The following FOXN3 variants were observed in gnomAD, a reference collection of about 807,000 sequenced individuals.
FOXN3 encodes the protein forkhead box N3.
Under a neutral mutation model 38.4 loss-of-function variants are expected in FOXN3, and 7 were observed. That is an observed-to-expected ratio of 0.18 (90% CI 0.10 to 0.34). The LOEUF is 0.34. Ranked by LOEUF, FOXN3 falls within the 10% of genes least tolerant of loss-of-function variation. FOXN3 has a pLI of 1.00. For missense variants in FOXN3, 456 were observed against 613.4 expected (o/e 0.74, Z 2.71); for synonymous variants, 230 against 242.2 (o/e 0.95, Z 0.47).
At chr14:89,351,005 C>A in intron 2 of FOXN3, 197 bp from the exon 3 acceptor site, 1 of 384,126 alleles carries the variant, frequency 2.6e-6, no homozygotes, top group Non-Finnish European at 4.6e-6. Flanking sequence ...GTTTGATAGG[C>A]AAAATGAACA....
chr14:89,585,671 G>C (rs1056502025), intron 1 of FOXN3, among the ~76,000 whole-genome samples: 11 of 150,802 alleles, frequency 7.3e-5, no homozygotes, highest in South Asian at 2.1e-4. Flanking sequence ...AGGCCGGTCT[G>C]AGTACAGTGG....
intron 4 of FOXN3, among the ~76,000 whole-genome samples, chr14:89,241,102 G>A (rs1885127827): frequency 6.6e-6 from 1 of 152,142 alleles, no homozygotes; most frequent in African/African-American, 2.4e-5. Context: ...CACTGACACT[G>A]GCATCCTCTG....
intron 2 of FOXN3, among the ~76,000 whole-genome samples, chr14:89,367,364 TG>T (rs1464544194): frequency 6.6e-6 from 1 of 152,196 alleles, no homozygotes; most frequent in Non-Finnish European, 1.5e-5. Context: ...TGCACCCTGA[TG>T]TGGCGGCACC....
At chr14:89,395,315 C>T (rs1391444620) in intron 2 of FOXN3, among the ~76,000 whole-genome samples, 2 of 152,126 alleles carry the variant, frequency 1.3e-5, no homozygotes, top group Non-Finnish European at 2.9e-5. Flanking sequence ...CACAGTGGGC[C>T]CACAAGAGAA....
At chr14:89,236,492 G>A (rs1381955280) in intron 4 of FOXN3, among the ~76,000 whole-genome samples, 3 of 152,154 alleles carry the variant, frequency 2.0e-5, no homozygotes, top group Admixed American at 2.0e-4. Context: ...TCCAGCCTGG[G>A]CAACAGAGCG....
At chr14:89,443,362 G>A (rs1468846750) in intron 1 of FOXN3, among the ~76,000 whole-genome samples, 1 of 152,144 alleles carries the variant, frequency 6.6e-6, no homozygotes, top group Non-Finnish European at 1.5e-5. Context: ...GGTGTTTATG[G>A]AGCCCCTGGG....
At chr14:89,189,076 A>C (rs1162723691) in intron 4 of FOXN3, among the ~76,000 whole-genome samples, 2 of 152,176 alleles carry the variant, frequency 1.3e-5, no homozygotes, top group African/African-American at 4.8e-5. Context: ...TGGCAGCTCC[A>C]GGCAGAGGAA....
At chr14:89,197,605 G>A (rs547967920) in intron 4 of FOXN3, among the ~76,000 whole-genome samples, 1 of 152,162 alleles carries the variant, frequency 6.6e-6, no homozygotes, top group Non-Finnish European at 1.5e-5. Flanking sequence ...TGGATAGTTA[G>A]TGAACAAGTA....
intron 4 of FOXN3, among the ~76,000 whole-genome samples, chr14:89,276,531 T>A (rs1331581423): frequency 6.6e-6 from 1 of 151,486 alleles, no homozygotes; most frequent in Non-Finnish European, 1.5e-5. Context: ...CTTCTTAGAG[T>A]GGGTGGGCCA....
chr14:89,234,407 T>C (rs1884916849), intron 4 of FOXN3, among the ~76,000 whole-genome samples: 1 of 152,112 alleles, frequency 6.6e-6, no homozygotes, highest in Admixed American at 6.5e-5. Context: ...ACTCTCTGCC[T>C]CTGCTGTTGT....
Position 89,520,203 on chromosome 14 carries a change from G to GGGGTTTC in FOXN3, c.-15+98818_-15+98824dup, listed in dbSNP as rs1431055682. ...GACATTTTGAACTTTTGTAGAGACA[G>GGGGTTTC]GGGTTTCGCCATGTTGTCCAGACTG... On this transcript the variant is annotated intron_variant, in intron 1 of 6. Coordinates refer to the FOXN3 transcript ENST00000345097. 1.3e-5 allele frequency among the ~76,000 whole-genome samples: 2 copies of GGGGTTTC among 150,756 alleles called. 1 individual carries two copies. The highest frequency in any genetic ancestry group is 2.9e-5 in the Non-Finnish European group (2 of 67,806).
chr14:89,239,550 G>A (rs913230939), intron 4 of FOXN3, among the ~76,000 whole-genome samples: 7 of 152,176 alleles, frequency 4.6e-5, no homozygotes, highest in African/African-American at 7.2e-5. Context: ...AATAGACATA[G>A]GTGCAAAGAA....
chr14:89,583,371 A>G (rs1432352400), intron 1 of FOXN3, among the ~76,000 whole-genome samples: 2 of 152,106 alleles, frequency 1.3e-5, no homozygotes, highest in Non-Finnish European at 2.9e-5. Flanking sequence ...GGCTTTCAGG[A>G]GTAGGTTCTC....
intron 4 of FOXN3, among the ~76,000 whole-genome samples, chr14:89,192,246 C>A (rs149480336): frequency 1.4e-5 from 2 of 144,894 alleles, no homozygotes; most frequent in Non-Finnish European, 1.5e-5. Flanking sequence ...ATTATATTAA[C>A]CATTATATAT....
chr14:89,601,584 T>C lies in FOXN3; in HGVS notation c.-15+17444A>G, dbSNP rs183408971. 1.4e-4 allele frequency among the ~76,000 whole-genome samples: 21 copies of C among 152,312 alleles called. No individual in the cohort carries two copies. In the East Asian group the frequency reaches 4.1e-3, roughly 29 times the overall value. On this transcript the variant is annotated intron_variant, in intron 1 of 6. Transcript: ENST00000345097. ...AGTTAAACTCAGGTACAGGGTGATA[T>C]TGAGGCCAATAACCTAGGGTCTGTT...
intron 3 of FOXN3, among the ~76,000 whole-genome samples, chr14:89,328,564 C>T (rs565407739): frequency 6.6e-6 from 1 of 152,260 alleles, no homozygotes; most frequent in East Asian, 1.9e-4. Context: ...GAGACATTCC[C>T]ACCAGCAGCA....
chr14:89,211,743 C>G (rs1304084154), intron 4 of FOXN3, among the ~76,000 whole-genome samples: 1 of 152,208 alleles, frequency 6.6e-6, no homozygotes, highest in Admixed American at 6.5e-5. Flanking sequence ...ATCAACAGAA[C>G]AGAACGAAAT....
intron 4 of FOXN3, among the ~76,000 whole-genome samples, chr14:89,278,126 A>T (rs1886351958): frequency 6.6e-6 from 1 of 152,198 alleles, no homozygotes; most frequent in African/African-American, 2.4e-5. Context: ...TGGGTAATTT[A>T]TAAAGAAAAA....
intron 1 of FOXN3, among the ~76,000 whole-genome samples, chr14:89,580,941 G>C (rs1216061397): frequency 6.6e-6 from 1 of 152,030 alleles, no homozygotes; most frequent in Non-Finnish European, 1.5e-5. Flanking sequence ...CCAGCACTTT[G>C]GGAGGCCGAG....
Sources: allele counts gnomAD v4.1 joint callset (sites outside exome capture counted in the v4.1 genomes callset), GRCh38; gene constraint gnomAD v4.1.1; transcripts MANE v1.5; gene names NCBI Gene and HGNC (gene_info 2026-07-23, HGNC 2026-07-21).